Variants in PRDM16 observed in about 807,000 individuals in gnomAD.
PRDM16 encodes histone-lysine N-methyltransferase PRDM16.
Under a neutral mutation model 110.6 loss-of-function variants are expected in PRDM16, and 23 were observed. The observed-to-expected ratio is 0.21, with a 90% CI of 0.15 to 0.29. PRDM16 has a LOEUF of 0.29. PRDM16 is among the 10% of genes least tolerant of loss of function. PRDM16 has a pLI of 1.00. For synonymous variants in PRDM16, 799 were observed against 781.8 expected (o/e 1.02, Z -0.37); for missense variants, 1,615 against 1,794.3 (o/e 0.90, Z 1.81).
At chr1:3,275,753 A>G (rs1232316690) in intron 3 of PRDM16, among the ~76,000 whole-genome samples, 1 of 152,094 alleles carries the variant, frequency 6.6e-6, no homozygotes, top group Non-Finnish European at 1.5e-5. Context: ...GGGTGACGTG[A>G]GAACCACCAG....
chr1:3,318,907 G>C (rs769053407), intron 3 of PRDM16, among the ~76,000 whole-genome samples: 1 of 152,198 alleles, frequency 6.6e-6, no homozygotes, highest in South Asian at 2.1e-4. Context: ...TAGGAAAAGC[G>C]CAACTGTGAG....
At chr1:3,227,432 G>A (rs1260865241) in intron 2 of PRDM16, among the ~76,000 whole-genome samples, 5 of 152,266 alleles carry the variant, frequency 3.3e-5, no homozygotes, top group Admixed American at 6.5e-5. Context: ...ACGGGCCTCC[G>A]TCAACTCAGC....
At chr1:3,270,994 G>A (rs1470665261) in intron 3 of PRDM16, among the ~76,000 whole-genome samples, 1 of 152,148 alleles carries the variant, frequency 6.6e-6, no homozygotes, top group African/African-American at 2.4e-5. Flanking sequence ...GGCCCTGTTC[G>A]CTGAGTCTGC....
chr1:3,289,031 C>T (rs1473628343), intron 3 of PRDM16, among the ~76,000 whole-genome samples: 1 of 152,240 alleles, frequency 6.6e-6, no homozygotes, highest in African/African-American at 2.4e-5. Flanking sequence ...TGGCTGGCTG[C>T]CCATGAGCCC....
At chr1:3,162,658 G>A (rs1008989070) in intron 1 of PRDM16, among the ~76,000 whole-genome samples, 22 of 152,248 alleles carry the variant, frequency 1.4e-4, no homozygotes, top group Admixed American at 7.2e-4. Flanking sequence ...CGATGGAGGC[G>A]AATCAGGGAG....
At chr1:3,374,090 A>T (rs959676123) in intron 3 of PRDM16, among the ~76,000 whole-genome samples, 1 of 152,234 alleles carries the variant, frequency 6.6e-6, no homozygotes, top group African/African-American at 2.4e-5. Flanking sequence ...TATATCGGCC[A>T]GCACGAGGCA....
chr1:3,186,860 C>T (rs1644274850), intron 2 of PRDM16, among the ~76,000 whole-genome samples: 1 of 152,214 alleles, frequency 6.6e-6, no homozygotes, highest in Admixed American at 6.5e-5. Flanking sequence ...CAGGCCAGGG[C>T]AGTGTGGAGC....
At chr1:3,071,967 G>A (rs1403217311) in intron 1 of PRDM16, among the ~76,000 whole-genome samples, 1 of 152,224 alleles carries the variant, frequency 6.6e-6, no homozygotes, top group East Asian at 1.9e-4. Flanking sequence ...CCAAATGGTG[G>A]CGGCTCCGGG....
chr1:3,181,654 A>AAG (rs1392185479), intron 1 of PRDM16, among the ~76,000 whole-genome samples: 19 of 133,874 alleles, frequency 1.4e-4, no homozygotes, highest in East Asian at 2.9e-4. Flanking sequence ...GGTCTTACAC[A>AAG]CGGTCTTACA....
At chr1:3,349,061 G>A (rs1031506305) in intron 3 of PRDM16, among the ~76,000 whole-genome samples, 1 of 152,222 alleles carries the variant, frequency 6.6e-6, no homozygotes, top group Non-Finnish European at 1.5e-5. Flanking sequence ...GGAGAGGCTG[G>A]GGCTTTGTAA....
In PRDM16 at chr1:3,135,809, G is replaced by A. The variant is rs190162082; in HGVS notation, c.38-50316G>A. ...GCTGGATCCCAGCCGTCCCCAGACCGTCCGTCCCTTCCCCGTGGCTCCCTG... is the reference window on the plus strand; with the variant it reads ...GCTGGATCCCAGCCGTCCCCAGACCATCCGTCCCTTCCCCGTGGCTCCCTG... On this transcript the variant is annotated intron_variant, in intron 1 of 16. Coordinates refer to ENST00000270722, the MANE Select transcript of PRDM16 (RefSeq NM_022114.4). Among the ~76,000 whole-genome samples, 375 of 152,310 alleles carry A rather than the reference G, an allele frequency of 2.5e-3. 1 individual carries two copies. The highest frequency in any genetic ancestry group is 4.3e-3 in the Non-Finnish European group (293 of 68,020).
At chr1:3,129,915 C>A (rs141127483) in intron 1 of PRDM16, among the ~76,000 whole-genome samples, 1,713 of 152,286 alleles carry the variant, frequency 0.011, 40 homozygotes, top group African/African-American at 0.038. Flanking sequence ...TTTCCCTCTT[C>A]CCAGGGCCCC....
chr1:3,268,107 C>T (rs926093122), intron 3 of PRDM16, among the ~76,000 whole-genome samples: 6 of 152,210 alleles, frequency 3.9e-5, no homozygotes, highest in African/African-American at 7.2e-5. Context: ...TTTGCACACA[C>T]GTGGGAGCGT....
chr1:3,305,331 G>A (rs1485779381), intron 3 of PRDM16, among the ~76,000 whole-genome samples: 1 of 152,168 alleles, frequency 6.6e-6, no homozygotes, highest in Admixed American at 6.5e-5. Context: ...CTGATGGGAC[G>A]GGGACCTGCA....
intron 1 of PRDM16, among the ~76,000 whole-genome samples, chr1:3,173,815 G>A (rs1216822840): frequency 1.3e-5 from 2 of 152,226 alleles, no homozygotes; most frequent in African/African-American, 4.8e-5. Flanking sequence ...GTTCCTCTGG[G>A]TGGTTTATGC....
chr1:3,316,087 C>T (rs992493037), intron 3 of PRDM16, among the ~76,000 whole-genome samples: 1 of 132,462 alleles, frequency 7.5e-6, no homozygotes, highest in Non-Finnish European at 1.6e-5. Context: ...AGATAAAGAG[C>T]TTCTCCTGTT....
At chr1:3,400,075 G>T (rs1164307028) in intron 5 of PRDM16, among the ~76,000 whole-genome samples, 1 of 152,180 alleles carries the variant, frequency 6.6e-6, no homozygotes, top group Non-Finnish European at 1.5e-5. Context: ...TCTATCAGAG[G>T]CTCACCTCGC....
At chr1:3,316,598 C>T (rs201904042) in intron 3 of PRDM16, among the ~76,000 whole-genome samples, 3 of 151,168 alleles carry the variant, frequency 2.0e-5, no homozygotes, top group East Asian at 2.0e-4. Flanking sequence ...CAGGAAACAG[C>T]GACACAGTGG....
At chr1:3,371,289 A>G (rs1642902901) in intron 3 of PRDM16, among the ~76,000 whole-genome samples, 1 of 146,490 alleles carries the variant, frequency 6.8e-6, no homozygotes, top group Non-Finnish European at 1.5e-5. Context: ...TTCCACATCC[A>G]TCCATCCACC....
Sources: allele counts gnomAD v4.1 joint callset (sites outside exome capture counted in the v4.1 genomes callset), GRCh38; gene constraint gnomAD v4.1.1; transcripts MANE v1.5; gene names NCBI Gene and HGNC (gene_info 2026-07-23, HGNC 2026-07-21).